Variants in HMGB1 observed in about 807,000 individuals in gnomAD.
HMGB1 encodes the protein high mobility group box 1.
For missense variants in HMGB1, 79 were observed against 253.5 expected, an observed-to-expected ratio of 0.31 and a Z score of 4.67; for synonymous variants, 81 against 84.0, an observed-to-expected ratio of 0.96 and a Z score of 0.19.
At chr13:30,606,542 A>G (rs1175358739) in intron 1 of HMGB1, among the ~76,000 whole-genome samples, 7 of 152,356 alleles carry the variant, frequency 4.6e-5, no homozygotes, top group African/African-American at 1.4e-4. Flanking sequence ...TTAGCAAAAT[A>G]GTGCCTCCGA....
chr13:30,471,672 TTTTTTTTTTTTTTG>T (rs1886942429), intron 1 of HMGB1, among the ~76,000 whole-genome samples: 1 of 116,278 alleles, frequency 8.6e-6, no homozygotes, highest in South Asian at 3.0e-4. Context: ...TTTTTTTTTT[TTTTTTTTTTTTTTG>T]AGATGGAGTT....
At chr13:30,494,901 C>T (rs958434069) in intron 1 of HMGB1, among the ~76,000 whole-genome samples, 9 of 152,200 alleles carry the variant, frequency 5.9e-5, no homozygotes, top group Non-Finnish European at 1.3e-4. Context: ...TATATTCCAC[C>T]GCATATAAGA....
At chr13:30,566,310 G>A (rs946106470) in intron 1 of HMGB1, among the ~76,000 whole-genome samples, 3 of 152,150 alleles carry the variant, frequency 2.0e-5, no homozygotes, top group African/African-American at 7.2e-5. Flanking sequence ...CTACAGCAGT[G>A]GTCGGCAAAC....
At chr13:30,549,701 C>T (rs1026104175) in intron 1 of HMGB1, among the ~76,000 whole-genome samples, 1 of 110,640 alleles carries the variant, frequency 9.0e-6, no homozygotes, top group Non-Finnish European at 1.9e-5. Context: ...GGCACAAACA[C>T]TAATTGTTTG....
At chr13:30,598,050 T>A (rs367791262) in intron 1 of HMGB1, among the ~76,000 whole-genome samples, 1 of 152,232 alleles carries the variant, frequency 6.6e-6, no homozygotes, top group African/African-American at 2.4e-5. Flanking sequence ...AGCAACTTTT[T>A]ACATTTTTCC....
rs1886003663 is a variant in HMGB1, at chr13:30,456,765, G to GGGGGGT, written c.*4591_*4592insACCCCC. On this transcript the variant is annotated 3_prime_UTR_variant, in exon 5 of 5. Coordinates refer to ENST00000341423, the MANE Select transcript of HMGB1 (RefSeq NM_002128.7). ...TAAATAACAGCTTTTGTGGGCGGGG[G>GGGGGGT]GGGGGGGTGGTGGGGTGCAATTTAT... 1 of 106,740 alleles carries GGGGGGT rather than the reference G, an allele frequency of 9.4e-6. No individual in the cohort carries two copies. Among genetic ancestry groups the GGGGGGT allele is most frequent in the South Asian group, 4.4e-4 (1 of 2,260 alleles). 6.6% of individuals were successfully genotyped at this position (106,740 alleles called of 1,614,324 possible).
intron 1 of HMGB1, among the ~76,000 whole-genome samples, chr13:30,487,917 T>C (rs990057012): frequency 4.6e-5 from 7 of 152,170 alleles, no homozygotes; most frequent in Non-Finnish European, 1.0e-4. Context: ...GCATTTGGCA[T>C]TGGTTTAAAA....
intron 1 of HMGB1, chr13:30,464,303 C>A: frequency 1.0e-6 from 1 of 985,438 alleles, no homozygotes; most frequent in South Asian, 4.7e-5. Flanking sequence ...TCGGTTTGGC[C>A]CTGAGATGTA....
intron 1 of HMGB1, among the ~76,000 whole-genome samples, chr13:30,498,199 C>T (rs541986936): frequency 1.3e-5 from 2 of 152,192 alleles, no homozygotes; most frequent in South Asian, 2.1e-4. Context: ...TTGCATTTCT[C>T]TTGCCAGCTA....
chr13:30,471,934 C>T (rs982833828), intron 1 of HMGB1, among the ~76,000 whole-genome samples: 2 of 150,636 alleles, frequency 1.3e-5, no homozygotes, highest in Non-Finnish European at 3.0e-5. Flanking sequence ...TCCCAGAGTG[C>T]TGGGATTACA....
At chr13:30,486,435 A>G (rs772240993) in intron 1 of HMGB1, among the ~76,000 whole-genome samples, 1 of 152,194 alleles carries the variant, frequency 6.6e-6, no homozygotes, top group Non-Finnish European at 1.5e-5. Flanking sequence ...ACAGCTGCCA[A>G]TGGCAGTGGT....
chr13:30,510,024 T>G (rs1887954756), intron 1 of HMGB1, among the ~76,000 whole-genome samples: 1 of 152,158 alleles, frequency 6.6e-6, no homozygotes, highest in Non-Finnish European at 1.5e-5. Context: ...CACCTGTGTG[T>G]CCCATAGCCC....
chr13:30,572,199 T>A (rs1870465919), intron 1 of HMGB1, among the ~76,000 whole-genome samples: 1 of 152,168 alleles, frequency 6.6e-6, no homozygotes, highest in Non-Finnish European at 1.5e-5. Flanking sequence ...AGTGTGTTGA[T>A]AAATGCTCAA....
At chr13:30,493,670 C>A (rs113371631) in intron 1 of HMGB1, among the ~76,000 whole-genome samples, 1 of 152,252 alleles carries the variant, frequency 6.6e-6, no homozygotes, top group African/African-American at 2.4e-5. Flanking sequence ...GAGGCGCACA[C>A]GCCTGTGGTC....
chr13:30,517,059 T>C (rs556059980), intron 1 of HMGB1, among the ~76,000 whole-genome samples: 2 of 152,348 alleles, frequency 1.3e-5, no homozygotes, highest in African/African-American at 4.8e-5. Context: ...AATAGAGCTG[T>C]GATGTACTTC....
intron 1 of HMGB1, among the ~76,000 whole-genome samples, chr13:30,603,907 T>C (rs1950428013): frequency 6.6e-6 from 1 of 152,226 alleles, no homozygotes; most frequent in Admixed American, 6.5e-5. Flanking sequence ...TGCTTTTTTT[T>C]CTCGTCTAAT....
chr13:30,480,285 AT>A (rs1486122432), intron 1 of HMGB1, among the ~76,000 whole-genome samples: 1 of 152,212 alleles, frequency 6.6e-6, no homozygotes, highest in Non-Finnish European at 1.5e-5. Flanking sequence ...TCTACGTTTC[AT>A]TTATTTATAT....
chr13:30,582,146 G>A (rs1230287573), intron 1 of HMGB1, among the ~76,000 whole-genome samples: 5 of 152,144 alleles, frequency 3.3e-5, no homozygotes, highest in East Asian at 1.9e-4. Context: ...GGATGTTTCC[G>A]TGTGCCAGGA....
rs1268337801 is a variant in HMGB1, at chr13:30,538,536, CCTTT to C, written c.-14-74846_-14-74843del. ...CTTTCTTTCTTTCCTTTCTTTCTTTCCTTTCTTTCTTTCTTTCTTTTTCTTTCTT... is the reference window on the plus strand; with the variant it reads ...CTTTCTTTCTTTCCTTTCTTTCTTTCCTTTCTTTCTTTCTTTTTCTTTCTT... On this transcript the variant is annotated intron_variant, in intron 1 of 4. Transcript: ENST00000405805. Among the ~76,000 whole-genome samples the C allele has an allele frequency of 5.9e-3, 614 of 104,884 alleles. 10 individuals carry two copies. Among genetic ancestry groups the C allele is most frequent in the Middle Eastern group, 0.012 (2 of 172 alleles). The allele number at this position is 104,884 out of a possible 152,430, so 68.8% of individuals were successfully genotyped here. A position where few individuals can be genotyped will look rare whatever the true frequency, so the allele number is the denominator to read the frequency against.
Sources: allele counts gnomAD v4.1 joint callset (sites outside exome capture counted in the v4.1 genomes callset), GRCh38; gene constraint gnomAD v4.1.1; transcripts MANE v1.5; gene names NCBI Gene and HGNC (gene_info 2026-07-23, HGNC 2026-07-21).